The following ATP6V1A variants were observed in gnomAD, a reference collection of about 807,000 sequenced individuals.
ATP6V1A encodes ATPase H+ transporting V1 subunit A.
In ATP6V1A, 18 loss-of-function variants were observed where a neutral mutation model predicts 70.1. The ratio of observed to expected loss-of-function variants is 0.26; its 90% CI spans 0.18 to 0.38. The LOEUF (loss-of-function observed/expected upper bound fraction) is 0.38. Among genes scored for constraint, ATP6V1A ranks in the 10% least tolerant of loss-of-function variants. The probability of loss-of-function intolerance (pLI) is 1.00; values close to 1 mark genes in which losing one functional copy is unlikely to be tolerated. For synonymous variants in ATP6V1A, 232 were observed against 253.8 expected (o/e 0.91, Z 0.82); for missense variants, 424 against 772.4 (o/e 0.55, Z 5.35).
chr3:113,801,940 G>A (rs1455890308), intron 12 of ATP6V1A, among the ~76,000 whole-genome samples: 5 of 149,732 alleles, frequency 3.3e-5, no homozygotes, highest in Non-Finnish European at 4.4e-5. Context: ...AAACAAAACT[G>A]GAGACCTGAT....
At chr3:113,782,646 C>A (rs919309373) in intron 3 of ATP6V1A, among the ~76,000 whole-genome samples, 1 of 146,938 alleles carries the variant, frequency 6.8e-6, no homozygotes, top group Non-Finnish European at 1.5e-5. Flanking sequence ...CTTTTTGAGA[C>A]AGAGTCTCAC....
At chr3:113,778,672 T>C in intron 1 of ATP6V1A, 69 bp from the exon 2 acceptor site, 1 of 762,104 alleles carries the variant, frequency 1.3e-6, no homozygotes, top group Non-Finnish European at 2.0e-6. Flanking sequence ...CTTAGTGGAC[T>C]ACCTATATTT....
At chr3:113,787,007 T>A (rs1325012248) in intron 6 of ATP6V1A, among the ~76,000 whole-genome samples, 3 of 152,194 alleles carry the variant, frequency 2.0e-5, no homozygotes, top group African/African-American at 4.8e-5. Context: ...CTCAAACTTC[T>A]GAGCTCAAGT....
At chr3:113,782,562 GTATATATATACGTATATATATACACA>G in intron 3 of ATP6V1A, among the ~76,000 whole-genome samples, 1 of 139,722 alleles carries the variant, frequency 7.2e-6, no homozygotes, top group Non-Finnish European at 1.5e-5. Context: ...ATATACATGT[GTATATATATACGTATATATATACACA>G]TATATATATA....
chr3:113,781,620 C>T (rs1013881131), intron 3 of ATP6V1A, among the ~76,000 whole-genome samples: 2 of 152,130 alleles, frequency 1.3e-5, no homozygotes, highest in African/African-American at 2.4e-5. Flanking sequence ...TGTGAAGAGA[C>T]CTGAATTATG....
intron 1 of ATP6V1A, among the ~76,000 whole-genome samples, chr3:113,754,875 A>G (rs1450413565): frequency 6.6e-6 from 1 of 152,244 alleles, no homozygotes; most frequent in Non-Finnish European, 1.5e-5. Context: ...TTTTAAAAGT[A>G]TCTCCGTAGA....
Position 113,784,305 on chromosome 3 carries a change from T to G in ATP6V1A, c.293T>G (p.Ile98Ser). The G allele has an allele frequency of 6.2e-7, 1 of 1,614,152 alleles. No homozygotes were observed. The highest frequency in any genetic ancestry group is 8.5e-7 in the Non-Finnish European group (1 of 1,179,982). The change falls in exon 4 of 15, where the codon ATT becomes AGT. Residue 98 changes from isoleucine to serine, a missense_variant. Around this residue, in one of 9 missense-constraint regions of ATP6V1A, gnomAD observed 139 missense variants for 163.5 expected, o/e 0.85. Transcript: ENST00000273398. Reference sequence around the variant, plus strand: ...CTTGGTCCTGGCATTATGGGAGCCATTTTTGATGGTATTCAAAGACCTTTG... The same window carrying G: ...CTTGGTCCTGGCATTATGGGAGCCAGTTTTGATGGTATTCAAAGACCTTTG... ...VELGPGIMGA[I>S]FDGIQRPLSD...
rs780402818 is a variant in ATP6V1A, at chr3:113,781,096, G to A, written c.129G>A (p.Val43=). The A allele has an allele frequency of 2.1e-5, 34 of 1,613,474 alleles. No individual in the cohort carries two copies. Among genetic ancestry groups the A allele is most frequent in the Non-Finnish European group, 2.7e-5 (32 of 1,179,624 alleles). The stretch of plus-strand genomic sequence containing the variant: ...CGGGTGCAGCCATGTATGAGCTGGT[G>A]AGAGTGGGCCACAGCGAATTGGTTG... ...DMAGAAMYEL[V]RVGHSELVGE... is the part of the protein sequence containing the mutation. The change falls in exon 3 of 15, where the codon GTG becomes GTA. Residue 43 remains valine, a synonymous_variant. Transcript: ENST00000273398.
At chr3:113,801,918 C>CA (rs1383140385) in intron 12 of ATP6V1A, among the ~76,000 whole-genome samples, 982 of 73,750 alleles carry the variant, frequency 0.013, 14 homozygotes, top group South Asian at 0.026. Context: ...AAGGGATTTA[C>CA]AAAAAAAAAA....
chr3:113,781,384 G>T (rs893854973), intron 3 of ATP6V1A, among the ~76,000 whole-genome samples: 1 of 152,186 alleles, frequency 6.6e-6, no homozygotes. Flanking sequence ...GGGTATAGTG[G>T]CAGGCGCCTG....
chr3:113,779,984 C>T (rs919056071), intron 2 of ATP6V1A, among the ~76,000 whole-genome samples: 1 of 152,142 alleles, frequency 6.6e-6, no homozygotes, highest in Non-Finnish European at 1.5e-5. Flanking sequence ...TTAAGCCCCA[C>T]GTGCGTTAGG....
intron 8 of ATP6V1A, among the ~76,000 whole-genome samples, chr3:113,793,064 T>G (rs1159247544): frequency 6.6e-6 from 1 of 152,164 alleles, no homozygotes; most frequent in Non-Finnish European, 1.5e-5. Context: ...TTTTTTTGTT[T>G]GTTTGTTGGT....
intron 11 of ATP6V1A, 121 bp downstream of exon 11, chr3:113,796,060 C>A: frequency 3.6e-6 from 3 of 840,624 alleles, no homozygotes; most frequent in Non-Finnish European, 5.3e-6. Context: ...AAAGGATAGG[C>A]AATGGTAAAG....
intron 1 of ATP6V1A, among the ~76,000 whole-genome samples, chr3:113,769,331 G>GT (rs1237551330): frequency 6.6e-6 from 1 of 151,970 alleles, no homozygotes; most frequent in Non-Finnish European, 1.5e-5. Context: ...TAAGTAATTG[G>GT]TTATAATCCA....
chr3:113,748,771 A>G (rs1577077195), intron 1 of ATP6V1A, among the ~76,000 whole-genome samples: 1 of 152,174 alleles, frequency 6.6e-6, no homozygotes, highest in African/African-American at 2.4e-5. Flanking sequence ...TCTCTTGTGG[A>G]TTTACCATTT....
intron 1 of ATP6V1A, among the ~76,000 whole-genome samples, chr3:113,766,825 A>G (rs1220719269): frequency 1.3e-5 from 2 of 152,176 alleles, no homozygotes; most frequent in African/African-American, 4.8e-5. Flanking sequence ...ATGGCAAAAC[A>G]GCAATTACTT....
At chr3:113,758,746 C>G (rs1237032146) in intron 1 of ATP6V1A, among the ~76,000 whole-genome samples, 2 of 152,194 alleles carry the variant, frequency 1.3e-5, no homozygotes, top group African/African-American at 4.8e-5. Flanking sequence ...AAGAAACTGC[C>G]AAACTGTTTT....
intron 1 of ATP6V1A, among the ~76,000 whole-genome samples, chr3:113,777,413 T>A (rs1489701796): frequency 6.6e-6 from 1 of 152,218 alleles, no homozygotes; most frequent in African/African-American, 2.4e-5. Flanking sequence ...GTTGCAGTTT[T>A]AAATAAATGG....
At chr3:113,776,412 A>G (rs778218304) in intron 1 of ATP6V1A, among the ~76,000 whole-genome samples, 2 of 152,180 alleles carry the variant, frequency 1.3e-5, no homozygotes, top group Non-Finnish European at 2.9e-5. Flanking sequence ...CCTGTTCACT[A>G]TATTTCATCC....
Sources: allele counts gnomAD v4.1 joint callset (sites outside exome capture counted in the v4.1 genomes callset), GRCh38; gene constraint gnomAD v4.1.1; regional missense constraint gnomAD v4.1.1; transcripts MANE v1.5; gene names NCBI Gene and HGNC (gene_info 2026-07-23, HGNC 2026-07-21).